The following NPAS3 variants were observed in gnomAD, a reference collection of about 807,000 sequenced individuals.
NPAS3 encodes the protein neuronal PAS domain-containing protein 3.
NPAS3 carries 14 observed loss-of-function variants against 73.1 expected under a neutral mutation model. The ratio of observed to expected loss-of-function variants is 0.19; its 90% CI spans 0.13 to 0.30. The LOEUF is 0.30. Among genes scored for constraint, NPAS3 ranks in the 10% least tolerant of loss-of-function variants. The pLI is 1.00. For missense variants in NPAS3, 1,096 were observed against 1,250.0 expected, an observed-to-expected ratio of 0.88 and a Z score of 1.86; for synonymous variants, 620 against 541.5, an observed-to-expected ratio of 1.14 and a Z score of -2.01.
intron 4 of NPAS3, among the ~76,000 whole-genome samples, chr14:33,407,342 G>A (rs2047712164): frequency 6.6e-6 from 1 of 152,030 alleles, no homozygotes; most frequent in Non-Finnish European, 1.5e-5. Flanking sequence ...AGGGATTTTG[G>A]TACTACTTGT....
At chr14:33,527,713 T>C (rs1032274490) in intron 4 of NPAS3, among the ~76,000 whole-genome samples, 7 of 152,190 alleles carry the variant, frequency 4.6e-5, no homozygotes, top group African/African-American at 1.7e-4. Context: ...GTTGATTAAC[T>C]GGTTTCCAAG....
At chr14:33,147,068 C>G (rs1018479950) in intron 2 of NPAS3, among the ~76,000 whole-genome samples, 5 of 150,534 alleles carry the variant, frequency 3.3e-5, no homozygotes, top group African/African-American at 1.2e-4. Flanking sequence ...TTTTTCTTTT[C>G]ATTTTTAAAG....
At chr14:33,747,630 C>T (rs181222593) in intron 7 of NPAS3, among the ~76,000 whole-genome samples, 3 of 152,196 alleles carry the variant, frequency 2.0e-5, no homozygotes, top group African/African-American at 7.2e-5. Context: ...GCTGCCTGGG[C>T]AGGTGTGTGT....
intron 3 of NPAS3, among the ~76,000 whole-genome samples, chr14:33,308,676 T>C (rs2042882736): frequency 6.6e-6 from 1 of 151,824 alleles, no homozygotes; most frequent in Non-Finnish European, 1.5e-5. Flanking sequence ...TTGTCACTTT[T>C]GGTTTAGAGG....
In NPAS3 at chr14:33,348,376, G is replaced by A. The variant is rs755625008; in HGVS notation, c.386-18810G>A. ...ATAGGTAATTTGTCAGTTGAAAATC[G>A]CACATGGATAAATGTCTTTAAACCC... On this transcript the variant is annotated intron_variant, in intron 3 of 11. Coordinates refer to ENST00000356141, the Ensembl canonical transcript of NPAS3. 5.9e-5 allele frequency among the ~76,000 whole-genome samples: 9 copies of A among 152,096 alleles called. No individual in the cohort carries two copies. The East Asian group carries it at 1.4e-3, about 23-fold the overall frequency.
At chr14:33,784,476 G>A (rs2063080579) in intron 9 of NPAS3, among the ~76,000 whole-genome samples, 1 of 152,160 alleles carries the variant, frequency 6.6e-6, no homozygotes, top group African/African-American at 2.4e-5. Context: ...AAAGCCCCAG[G>A]GGAGGCAGAT....
At chr14:33,246,198 T>C (rs911733126) in intron 3 of NPAS3, among the ~76,000 whole-genome samples, 3 of 151,246 alleles carry the variant, frequency 2.0e-5, no homozygotes, top group Admixed American at 2.0e-4. Flanking sequence ...GCAGACAGCA[T>C]GAGATAAGCT....
At chr14:33,427,670 G>T (rs1037241096) in intron 4 of NPAS3, among the ~76,000 whole-genome samples, 2 of 151,904 alleles carry the variant, frequency 1.3e-5, no homozygotes, top group Non-Finnish European at 2.9e-5. Flanking sequence ...TACTTTGAAT[G>T]TCAATAAAAT....
intron 3 of NPAS3, among the ~76,000 whole-genome samples, chr14:33,235,316 G>A (rs2047993686): frequency 6.6e-6 from 1 of 152,064 alleles, no homozygotes; most frequent in Non-Finnish European, 1.5e-5. Context: ...AATGAGGAGT[G>A]AGAATTTGTG....
intron 3 of NPAS3, among the ~76,000 whole-genome samples, chr14:33,222,704 G>C (rs1204922423): frequency 6.6e-6 from 1 of 152,114 alleles, no homozygotes; most frequent in Non-Finnish European, 1.5e-5. Flanking sequence ...ATGAAAGTAA[G>C]TATTTAACTA....
chr14:33,237,151 A>C (rs945799796), intron 3 of NPAS3, among the ~76,000 whole-genome samples: 1 of 152,122 alleles, frequency 6.6e-6, no homozygotes, highest in Admixed American at 6.6e-5. Context: ...GTATGTGTTC[A>C]TTGAATCTTT....
intron 5 of NPAS3, among the ~76,000 whole-genome samples, chr14:33,637,225 A>G (rs2058546354): frequency 6.6e-6 from 1 of 152,184 alleles, no homozygotes; most frequent in Admixed American, 6.5e-5. Context: ...TTAGTCACAA[A>G]TCTATAATTA....
intron 4 of NPAS3, among the ~76,000 whole-genome samples, chr14:33,378,844 T>C (rs1009514918): frequency 2.0e-5 from 3 of 152,144 alleles, no homozygotes; most frequent in African/African-American, 7.2e-5. Flanking sequence ...TATCTGTGAT[T>C]CTTTCTCAGG....
At chr14:33,130,783 T>A (rs1030476842) in intron 2 of NPAS3, among the ~76,000 whole-genome samples, 1 of 152,182 alleles carries the variant, frequency 6.6e-6, no homozygotes, top group Non-Finnish European at 1.5e-5. Flanking sequence ...ACAAGCTAAA[T>A]GCAGAAATAG....
At chr14:33,695,898 A>G (rs1450727344) in intron 6 of NPAS3, among the ~76,000 whole-genome samples, 1 of 152,192 alleles carries the variant, frequency 6.6e-6, no homozygotes, top group African/African-American at 2.4e-5. Flanking sequence ...TCCCTGCATA[A>G]GTCAGGTAGC....
intron 4 of NPAS3, among the ~76,000 whole-genome samples, chr14:33,544,808 A>AAT (rs1392599122): frequency 1.1e-5 from 1 of 89,524 alleles, no homozygotes; most frequent in African/African-American, 6.7e-5. Context: ...ATATATATAT[A>AAT]TATGTATATA....
intron 2 of NPAS3, among the ~76,000 whole-genome samples, chr14:33,124,693 A>G (rs186571196): frequency 6.6e-6 from 1 of 152,272 alleles, no homozygotes; most frequent in East Asian, 1.9e-4. Context: ...ACCTTAACTC[A>G]GGAGAGGAAA....
intron 1 of NPAS3, among the ~76,000 whole-genome samples, chr14:32,997,406 G>A (rs1203461882): frequency 6.6e-6 from 1 of 152,036 alleles, no homozygotes; most frequent in African/African-American, 2.4e-5. Context: ...AGGAGATTTG[G>A]GAGGGACCGG....
chr14:33,613,574 C>T (rs942178473), intron 5 of NPAS3, among the ~76,000 whole-genome samples: 7 of 152,196 alleles, frequency 4.6e-5, no homozygotes, highest in African/African-American at 7.2e-5. Flanking sequence ...GCATGGTCTC[C>T]TGGTGCTCCA....
Sources: allele counts gnomAD v4.1 joint callset (sites outside exome capture counted in the v4.1 genomes callset), GRCh38; gene constraint gnomAD v4.1.1; transcripts MANE v1.5; gene names NCBI Gene and HGNC (gene_info 2026-07-23, HGNC 2026-07-21).